Variants in SLC14A2 observed in about 807,000 individuals in gnomAD.
SLC14A2 encodes the protein urea transporter 2.
Under a neutral mutation model 104.6 loss-of-function variants are expected in SLC14A2, and 91 were observed. The observed-to-expected ratio is 0.87, with a 90% CI of 0.73 to 1.04. The LOEUF (loss-of-function observed/expected upper bound fraction) is 1.04. Ranked by LOEUF, SLC14A2 falls within the 50% of genes least tolerant of loss-of-function variation. The probability of loss-of-function intolerance (pLI) is 0.00; values close to 1 mark genes in which losing one functional copy is unlikely to be tolerated. For synonymous variants in SLC14A2, 476 were observed against 466.4 expected, an observed-to-expected ratio of 1.02 and a Z score of -0.27; for missense variants, 1,189 against 1,156.0, an observed-to-expected ratio of 1.03 and a Z score of -0.41.
Position 45,273,575 on chromosome 18 carries a change from ATGTG to A in SLC14A2, c.-125+60390_-125+60393del, listed in dbSNP as rs1028224325. ...CTCTAGACTTGACTTTTTTCTGATA[ATGTG>A]TGTGTATTTGTGGAAAGGAGTGGCC... On this transcript the variant is annotated intron_variant, in intron 1 of 20. Coordinates refer to the SLC14A2 transcript ENST00000586448. 4.6e-5 allele frequency among the ~76,000 whole-genome samples: 7 copies of A among 152,252 alleles called. No homozygotes were observed. The East Asian group carries it at 1.4e-3, about 29-fold the overall frequency.
the SLC14A2 span, among the ~76,000 whole-genome samples, chr18:45,206,690 G>C: frequency 6.6e-6 from 1 of 152,146 alleles, no homozygotes. Flanking sequence ...AAAATAATCT[G>C]AGCAGTTGAG....
chr18:45,205,986 T>C, the SLC14A2 span, among the ~76,000 whole-genome samples: 1 of 152,316 alleles, frequency 6.6e-6, no homozygotes, highest in East Asian at 1.9e-4. Context: ...GCATTTAGCA[T>C]AAGGCTCTCA....
intron 10 of SLC14A2, among the ~76,000 whole-genome samples, chr18:45,645,479 G>A (rs1317073925): frequency 2.6e-5 from 4 of 151,962 alleles, no homozygotes; most frequent in African/African-American, 9.7e-5. Context: ...ATTTGCTTGT[G>A]AGCATGGGAG....
At chr18:45,373,306 T>C (rs1445139159) in intron 1 of SLC14A2, among the ~76,000 whole-genome samples, 1 of 152,196 alleles carries the variant, frequency 6.6e-6, no homozygotes, top group Non-Finnish European at 1.5e-5. Context: ...CCAGGCTCTC[T>C]CTCTAGCATA....
chr18:45,555,552 G>T (rs1054048082), intron 2 of SLC14A2, among the ~76,000 whole-genome samples: 2 of 152,208 alleles, frequency 1.3e-5, no homozygotes, highest in African/African-American at 4.8e-5. Context: ...CTTCATGGCT[G>T]ATGAGGATTC....
At chr18:45,577,462 T>C (rs2705398) in intron 2 of SLC14A2, among the ~76,000 whole-genome samples, 104,616 of 152,106 alleles carry the variant, frequency 0.69, 36,908 homozygotes, top group Middle Eastern at 0.86. Flanking sequence ...AAGCATCACA[T>C]AATTTGTGAA....
chr18:45,531,874 T>C (rs1028107740), intron 2 of SLC14A2, among the ~76,000 whole-genome samples: 1 of 152,238 alleles, frequency 6.6e-6, no homozygotes, highest in Non-Finnish European at 1.5e-5. Flanking sequence ...AATTACTTTT[T>C]GTATAAGGTG....
rs116720927 is a variant in SLC14A2 at position 45,252,245 on chromosome 18, T to C, written c.-125+39054T>C. ...AGGAATCAATTCTATCATGAGAAGA[T>C]TTGAAATCTATTTTCACCTGAGATT... On this transcript the variant is annotated intron_variant, in intron 1 of 20. Coordinates refer to the SLC14A2 transcript ENST00000586448. 2.5e-3 allele frequency among the ~76,000 whole-genome samples: 385 copies of C among 152,274 alleles called. 2 individuals are homozygous for C. The highest frequency in any genetic ancestry group is 8.2e-3 in the African/African-American group (340 of 41,542).
intron 2 of SLC14A2, among the ~76,000 whole-genome samples, chr18:45,565,550 C>T (rs1391158578): frequency 3.3e-5 from 5 of 152,104 alleles, no homozygotes; most frequent in South Asian, 2.1e-4. Context: ...GGGCTGGCGT[C>T]GTGGATATCA....
At position 45,632,410 on chromosome 18, in the gene SLC14A2, C is replaced by T. The variant is rs761757655; in HGVS notation, c.582C>T (p.Ala194=). 1.1e-5 allele frequency: 18 copies of T among 1,613,902 alleles called. No individual in the cohort carries two copies. The highest frequency in any genetic ancestry group is 6.7e-5 in the East Asian group (3 of 44,888). Residue 194 remains alanine (A), a synonymous_variant, in exon 5 of 20, where the codon GCC becomes GCT. Coordinates refer to ENST00000255226, the MANE Select transcript of SLC14A2 (RefSeq NM_007163.4). ...YNGMLVGLLM[A]VFSEKLDYYW... is the part of the protein sequence containing the mutation. Reference sequence around the variant, plus strand: ...GGATGCTGGTGGGACTGCTGATGGCCGTGTTCTCGGAGAAGTTAGACTACT... The same window carrying T: ...GGATGCTGGTGGGACTGCTGATGGCTGTGTTCTCGGAGAAGTTAGACTACT...
chr18:45,488,766 C>T (rs113068005), intron 2 of SLC14A2, among the ~76,000 whole-genome samples: 40 of 152,256 alleles, frequency 2.6e-4, no homozygotes, highest in African/African-American at 7.9e-4. Flanking sequence ...TCAGGGCTGA[C>T]CTCAATGTTC....
chr18:45,332,446 A>C (rs983726848), intron 1 of SLC14A2, among the ~76,000 whole-genome samples: 1 of 152,204 alleles, frequency 6.6e-6, no homozygotes, highest in African/African-American at 2.4e-5. Flanking sequence ...CATTTTATAT[A>C]AGAGAGTTGA....
chr18:45,203,317 C>T, the SLC14A2 span, among the ~76,000 whole-genome samples: 1 of 152,180 alleles, frequency 6.6e-6, no homozygotes, highest in Admixed American at 6.5e-5. Flanking sequence ...CATTCTTACC[C>T]AGTGTGATCT....
rs149848526 is a variant in SLC14A2, at chr18:45,420,444, T to A, written c.-124-62789T>A. Among the ~76,000 whole-genome samples, 1,498 of 152,168 alleles carry A rather than the reference T, an allele frequency of 9.8e-3. 16 individuals are homozygous for A. The highest frequency in any genetic ancestry group is 0.024 in the African/African-American group (999 of 41,510). ...TCCACAGATCCACACGAGGATGGTG[T>A]GGGAAGGGGGCATGTCTTGGAGGTT... On this transcript the variant is annotated intron_variant, in intron 1 of 20. Coordinates refer to the SLC14A2 transcript ENST00000586448.
At chr18:45,409,780 A>G (rs1396259688) in intron 1 of SLC14A2, among the ~76,000 whole-genome samples, 1 of 152,200 alleles carries the variant, frequency 6.6e-6, no homozygotes, top group Non-Finnish European at 1.5e-5. Flanking sequence ...AACAGTCCAC[A>G]ACCTTTTAGG....
At chr18:45,283,946 A>T (rs2084788644) in intron 1 of SLC14A2, among the ~76,000 whole-genome samples, 1 of 152,226 alleles carries the variant, frequency 6.6e-6, no homozygotes, top group East Asian at 1.9e-4. Flanking sequence ...TGGATTTGAA[A>T]GACTTAGTAT....
chr18:45,383,107 T>C (rs2085856305), intron 1 of SLC14A2, among the ~76,000 whole-genome samples: 1 of 152,186 alleles, frequency 6.6e-6, no homozygotes, highest in Non-Finnish European at 1.5e-5. Flanking sequence ...ACTGTTATAT[T>C]TGACAGAAAA....
intron 2 of SLC14A2, among the ~76,000 whole-genome samples, chr18:45,582,591 A>C (rs112369415): frequency 2.6e-5 from 4 of 152,296 alleles, no homozygotes; most frequent in African/African-American, 9.6e-5. Flanking sequence ...AACACACACA[A>C]ACTTTAGTCC....
chr18:45,362,174 TTTCTCC>T, intron 1 of SLC14A2, among the ~76,000 whole-genome samples: 1 of 152,382 alleles, frequency 6.6e-6, no homozygotes, highest in East Asian at 1.9e-4. Context: ...AAGGTACTTG[TTTCTCC>T]TTCCCCTTCC....
Sources: gnomAD v4.1 joint callset for allele counts (sites outside exome capture counted in the v4.1 genomes callset) on GRCh38, gnomAD v4.1.1 for gene constraint, MANE v1.5 for transcripts, NCBI Gene and HGNC (gene_info 2026-07-23, HGNC 2026-07-21) for gene names.